The following HACD2 variants were observed in gnomAD, a reference collection of about 807,000 sequenced individuals.
The protein encoded by HACD2 is very-long-chain (3R)-3-hydroxyacyl-CoA dehydratase 2.
Under a neutral mutation model 31.0 loss-of-function variants are expected in HACD2, and 15 were observed. The observed-to-expected ratio is 0.48, with a 90% CI of 0.32 to 0.75. The LOEUF (loss-of-function observed/expected upper bound fraction) is 0.75. Ranked by LOEUF, HACD2 falls within the 30% of genes least tolerant of loss-of-function variation. The pLI is 0.03. For synonymous variants in HACD2, 115 were observed against 122.2 expected, an observed-to-expected ratio of 0.94 and a Z score of 0.39; for missense variants, 283 against 313.0, an observed-to-expected ratio of 0.90 and a Z score of 0.72.
Position 123,567,793 on chromosome 3 carries a change from A to C in HACD2, c.274-13T>G. 1 of 1,481,878 alleles carries C rather than the reference A, an allele frequency of 6.7e-7. No homozygotes were observed. Among genetic ancestry groups the C allele is most frequent in the Non-Finnish European group, 9.1e-7 (1 of 1,096,804 alleles). 91.8% of individuals were successfully genotyped at this position (1,481,878 alleles called of 1,614,324 possible). On this transcript the variant is annotated splice_polypyrimidine_tract_variant and intron_variant, in intron 2 of 6. Transcript: ENST00000383657. ...CACAATGTAAAATCTAGAGGAAAAA[A>C]GGGGAAAAAAGAGGAGAATTAGTAA...
At chr3:123,563,682 T>C (rs1307955834) in intron 3 of HACD2, among the ~76,000 whole-genome samples, 2 of 138,938 alleles carry the variant, frequency 1.4e-5, no homozygotes, top group Non-Finnish European at 3.3e-5. Context: ...CACACACACT[T>C]ATGGTGTACA....
chr3:123,569,932 T>C (rs1427393134), intron 2 of HACD2, among the ~76,000 whole-genome samples: 1 of 131,746 alleles, frequency 7.6e-6, no homozygotes, highest in Non-Finnish European at 1.5e-5. Context: ...GAGGTTGCAG[T>C]GAGCCGAGAT....
intron 3 of HACD2, among the ~76,000 whole-genome samples, chr3:123,549,290 T>C (rs1187529582): frequency 6.6e-6 from 1 of 152,194 alleles, no homozygotes; most frequent in Non-Finnish European, 1.5e-5. Flanking sequence ...GACTCCTTTC[T>C]GAGCAGCCGT....
intron 2 of HACD2, among the ~76,000 whole-genome samples, chr3:123,573,765 C>T (rs2056879374): frequency 6.6e-6 from 1 of 152,180 alleles, no homozygotes; most frequent in African/African-American, 2.4e-5. Context: ...AACATGTTTT[C>T]AAAATCCTTT....
chr3:123,564,081 C>T (rs2056765490), intron 3 of HACD2, among the ~76,000 whole-genome samples: 1 of 152,204 alleles, frequency 6.6e-6, no homozygotes, highest in African/African-American at 2.4e-5. Context: ...CATACACTAT[C>T]GACAAGGTCT....
At chr3:123,504,595 T>C (rs1020929759) in intron 4 of HACD2, among the ~76,000 whole-genome samples, 11 of 150,844 alleles carry the variant, frequency 7.3e-5, no homozygotes. Flanking sequence ...AGCCTAGAGA[T>C]TGGTTATTAT....
chr3:123,575,315 CTA>C (rs752300470), intron 2 of HACD2, among the ~76,000 whole-genome samples: 6 of 152,090 alleles, frequency 3.9e-5, no homozygotes, highest in Admixed American at 3.3e-4. Flanking sequence ...CGAGGTCTTG[CTA>C]TATTGCCCAA....
At chr3:123,557,645 AAAC>A (rs1234415740) in intron 3 of HACD2, among the ~76,000 whole-genome samples, 24 of 152,146 alleles carry the variant, frequency 1.6e-4, no homozygotes, top group Admixed American at 1.6e-3. Flanking sequence ...TCAAAAAAAT[AAAC>A]AACAAAAAAC....
intron 2 of HACD2, among the ~76,000 whole-genome samples, chr3:123,576,708 T>C (rs1359100202): frequency 6.6e-6 from 1 of 152,196 alleles, no homozygotes; most frequent in Non-Finnish European, 1.5e-5. Flanking sequence ...ACAACGGTTA[T>C]GTCCTCAAAC....
intron 3 of HACD2, among the ~76,000 whole-genome samples, chr3:123,549,107 T>C (rs1305944260): frequency 6.6e-6 from 1 of 151,810 alleles, no homozygotes; most frequent in African/African-American, 2.4e-5. Flanking sequence ...TCTGAAATTC[T>C]ACCTTACTTA....
intron 3 of HACD2, chr3:123,543,677 C>A: frequency 2.3e-6 from 1 of 426,146 alleles, no homozygotes; most frequent in African/African-American, 2.1e-5. Context: ...AAAAAACTGT[C>A]AGAATCCAAA....
At chr3:123,497,759 C>T (rs1420565054) in intron 6 of HACD2, among the ~76,000 whole-genome samples, 1 of 152,174 alleles carries the variant, frequency 6.6e-6, no homozygotes, top group Non-Finnish European at 1.5e-5. Context: ...GGCCAGGGCA[C>T]CCCAATATGA....
intron 4 of HACD2, among the ~76,000 whole-genome samples, chr3:123,526,309 A>C (rs575815807): frequency 2.0e-5 from 3 of 152,306 alleles, no homozygotes; most frequent in East Asian, 3.9e-4. Flanking sequence ...CAAAACGATG[A>C]ATGAGGAGTT....
At chr3:123,560,165 T>G (rs1002145735) in intron 3 of HACD2, among the ~76,000 whole-genome samples, 1 of 152,146 alleles carries the variant, frequency 6.6e-6, no homozygotes, top group Non-Finnish European at 1.5e-5. Flanking sequence ...TTTTCTTCTC[T>G]CCTTGTCTGG....
chr3:123,542,451 C>T (rs912312132), intron 3 of HACD2, among the ~76,000 whole-genome samples: 2 of 152,134 alleles, frequency 1.3e-5, no homozygotes, highest in African/African-American at 4.8e-5. Context: ...GGGCACAATC[C>T]TTTGGGAATT....
intron 2 of HACD2, among the ~76,000 whole-genome samples, chr3:123,571,252 T>G (rs1386868169): frequency 6.6e-6 from 1 of 152,224 alleles, no homozygotes; most frequent in Non-Finnish European, 1.5e-5. Context: ...GGCAGCATTC[T>G]TAAGGCGATC....
chr3:123,545,548 TAAAAA>T (rs375205125), intron 3 of HACD2, among the ~76,000 whole-genome samples: 5 of 121,818 alleles, frequency 4.1e-5, no homozygotes, highest in Admixed American at 1.7e-4. Flanking sequence ...CTTTTTACTT[TAAAAA>T]AAAAAAAAAA....
intron 2 of HACD2, among the ~76,000 whole-genome samples, chr3:123,569,981 TC>T (rs1404254958): frequency 2.1e-5 from 2 of 94,620 alleles, no homozygotes; most frequent in Non-Finnish European, 3.8e-5. Context: ...AGAGCAACAC[TC>T]CATCTCAAAA....
intron 3 of HACD2, among the ~76,000 whole-genome samples, chr3:123,566,114 A>G (rs963077797): frequency 6.6e-6 from 1 of 150,530 alleles, no homozygotes; most frequent in African/African-American, 2.4e-5. Context: ...GGAATCATAG[A>G]CTCCTCAGAG....
Sources: gnomAD v4.1 joint callset for allele counts (sites outside exome capture counted in the v4.1 genomes callset) on GRCh38, gnomAD v4.1.1 for gene constraint, MANE v1.5 for transcripts, NCBI Gene and HGNC (gene_info 2026-07-23, HGNC 2026-07-21) for gene names.